RUFY1: variants seen among roughly 807,000 people sequenced by gnomAD.
RUFY1 encodes RUN and FYVE domain containing 1.
Under a neutral mutation model 94.6 loss-of-function variants are expected in RUFY1, and 54 were observed. The observed-to-expected ratio is 0.57, with a 90% CI of 0.46 to 0.72. RUFY1 has a LOEUF of 0.72. Ranked by LOEUF, RUFY1 falls within the 30% of genes least tolerant of loss-of-function variation. The probability of loss-of-function intolerance (pLI) is 0.00; values close to 1 mark genes in which losing one functional copy is unlikely to be tolerated. For synonymous variants in RUFY1, 396 were observed against 347.3 expected (o/e 1.14, Z -1.56); for missense variants, 883 against 883.9 (o/e 1.00, Z 0.01).
intron 1 of RUFY1, chr5:179,555,670 C>G (rs1762081403): frequency 2.5e-6 from 1 of 394,394 alleles, no homozygotes; most frequent in Non-Finnish European, 5.0e-6. Context: ...GCTCGTCACC[C>G]AGGCTGGAGT....
Position 179,580,948 on chromosome 5 carries a change from C to T in RUFY1, c.892C>T (p.His298Tyr). ...TCCTTCTTATGCTCCTTTTAAAAGGCATGAAAGAATTACTGATGTCCTTGA... is the reference window on the plus strand; with the variant it reads ...TCCTTCTTATGCTCCTTTTAAAAGGTATGAAAGAATTACTGATGTCCTTGA... ...DVQDLDGGKE[H>Y]ERITDVLDQK... is the part of the protein sequence containing the mutation. The change falls in exon 7 of 18, where the codon CAT becomes TAT. Residue 298 changes from histidine (H) to tyrosine (Y), a missense_variant and splice_region_variant. His to Tyr is a moderately conservative substitution (Grantham distance 83, BLOSUM62 2). Coordinates refer to ENST00000319449, the MANE Select transcript of RUFY1 (RefSeq NM_025158.5). 6.3e-7 allele frequency: 1 copy of T among 1,589,320 alleles called. No individual in the cohort carries two copies. Among genetic ancestry groups the T allele is most frequent in the East Asian group, 2.2e-5 (1 of 44,692 alleles).
At chr5:179,587,593 C>G (rs1239456236) in intron 8 of RUFY1, among the ~76,000 whole-genome samples, 3 of 137,824 alleles carry the variant, frequency 2.2e-5, no homozygotes, top group South Asian at 2.3e-4. Context: ...GTAGAGATGG[C>G]ATTTCACCAT....
chr5:179,577,265 G>A (rs1278410459), intron 6 of RUFY1, 129 bp downstream of exon 6: 13 of 568,722 alleles, frequency 2.3e-5, no homozygotes, highest in Non-Finnish European at 3.4e-5. Context: ...TCCGCCTCCC[G>A]GGTTCAAGCG....
chr5:179,604,038 TAA>T (rs1766751293), intron 15 of RUFY1, among the ~76,000 whole-genome samples: 1 of 152,122 alleles, frequency 6.6e-6, no homozygotes, highest in African/African-American at 2.4e-5. Context: ...GCCTGGGCAA[TAA>T]GAGTGAAACT....
intron 2 of RUFY1, 36 bp downstream of exon 2, chr5:179,560,234 CG>C: frequency 5.0e-6 from 8 of 1,601,542 alleles, no homozygotes; most frequent in Non-Finnish European, 6.8e-6. Flanking sequence ...CGTGGAAGTT[CG>C]GGCTGGGTGT....
chr5:179,597,299 G>C (rs577281546), intron 13 of RUFY1, among the ~76,000 whole-genome samples: 1 of 152,000 alleles, frequency 6.6e-6, no homozygotes, highest in East Asian at 1.9e-4. Context: ...GCGGTGGCGC[G>C]ATCTCGGCTC....
intron 5 of RUFY1, among the ~76,000 whole-genome samples, chr5:179,575,869 C>T (rs531736218): frequency 1.3e-5 from 2 of 152,102 alleles, no homozygotes; most frequent in Admixed American, 1.3e-4. Flanking sequence ...GCAGCCTTAA[C>T]CTCCTGGGCT....
chr5:179,596,224 C>A, intron 12 of RUFY1: 1 of 362,632 alleles, frequency 2.8e-6, no homozygotes, highest in Non-Finnish European at 5.2e-6. Context: ...ACCATTGATA[C>A]ACATGGAAAC....
chr5:179,552,737 C>T (rs1037606169), intron 1 of RUFY1, among the ~76,000 whole-genome samples: 1 of 152,168 alleles, frequency 6.6e-6, no homozygotes, highest in South Asian at 2.1e-4. Flanking sequence ...TCCTTTAATG[C>T]AGAATCAAGG....
chr5:179,607,519 C>A, intron 16 of RUFY1, 63 bp from the exon 17 acceptor site: 3 of 1,385,322 alleles, frequency 2.2e-6, no homozygotes, highest in East Asian at 2.3e-5. Context: ...GGCCAGAACG[C>A]AGCTACCCAC....
At position 179,585,785 on chromosome 5, in the gene RUFY1, A is replaced by G. The variant is rs1764562803; in HGVS notation, c.957-11A>G. On this transcript the variant is annotated splice_polypyrimidine_tract_variant and intron_variant, in intron 7 of 17. Coordinates refer to ENST00000319449, the MANE Select transcript of RUFY1 (RefSeq NM_025158.5). ...AAGTTTATGTTTACTTAATATTCTTATTTTCTACAGCTGCACAGTTGGGGA... is the reference window on the plus strand; with the variant it reads ...AAGTTTATGTTTACTTAATATTCTTGTTTTCTACAGCTGCACAGTTGGGGA... 1.2e-6 allele frequency: 2 copies of G among 1,600,638 alleles called. No homozygotes were observed. The highest frequency in any genetic ancestry group is 1.7e-5 in the Admixed American group (1 of 59,780).
intron 11 of RUFY1, among the ~76,000 whole-genome samples, chr5:179,594,339 A>T (rs1765371297): frequency 1.3e-5 from 2 of 151,400 alleles, no homozygotes; most frequent in Admixed American, 6.6e-5. Context: ...TTGTCTTTTC[A>T]AACTTTGCCG....
intron 1 of RUFY1, among the ~76,000 whole-genome samples, chr5:179,551,214 G>A (rs1032343227): frequency 3.3e-5 from 5 of 152,234 alleles, no homozygotes; most frequent in South Asian, 2.1e-4. Flanking sequence ...CTTTTCAGCC[G>A]TTCAGTGCGG....
At chr5:179,578,001 T>C (rs184150938) in intron 6 of RUFY1, among the ~76,000 whole-genome samples, 1 of 152,278 alleles carries the variant, frequency 6.6e-6, no homozygotes, top group East Asian at 1.9e-4. Flanking sequence ...TGCAGAAGAA[T>C]AGAGTGTACA....
At chr5:179,591,575 C>A in intron 9 of RUFY1, 50 bp from the exon 10 acceptor site, 1 of 1,098,506 alleles carries the variant, frequency 9.1e-7, no homozygotes, top group Non-Finnish European at 1.4e-6. Context: ...TCATAATTAG[C>A]TTGCTTTCCA....
chr5:179,596,733 G>C (rs1172025508), intron 13 of RUFY1, 52 bp downstream of exon 13: 1 of 1,285,918 alleles, frequency 7.8e-7, no homozygotes, highest in East Asian at 4.5e-5. Flanking sequence ...GAGGGACTGG[G>C]AAGAACTGGG....
chr5:179,609,601 C>G lies in RUFY1; in HGVS notation c.*82C>G. The G allele has an allele frequency of 1.5e-6, 2 of 1,319,542 alleles. No individual in the cohort carries two copies. The highest frequency in any genetic ancestry group is 2.0e-6 in the Non-Finnish European group (2 of 992,096). 81.7% of individuals were successfully genotyped at this position (1,319,542 alleles called of 1,614,324 possible). A position where few individuals can be genotyped will look rare whatever the true frequency, so the allele number is the denominator to read the frequency against. ...GGGGCTTGGGAAATGTGTTCTTTCC[C>G]AAGAGTATCAAAGGAAAGAATCAAA... On this transcript the variant is annotated 3_prime_UTR_variant, in exon 18 of 18. Transcript: ENST00000319449.
chr5:179,609,510 G>A lies in RUFY1; in HGVS notation c.2118G>A (p.Thr706=), dbSNP rs370086474. Residue 706 remains threonine (T), a synonymous_variant, in exon 18 of 18, where the codon ACG becomes ACA. Transcript: ENST00000319449. The stretch of plus-strand genomic sequence containing the variant: ...TGCTCCTGCAGCGCTGCTCCTCCAC[G>A]GCCTCCTGAACGTCCGTCCTCAGGA... ...HTLLLQRCSS[T]AS 9.9e-5 allele frequency: 159 copies of A among 1,603,588 alleles called. No individual in the cohort carries two copies. Among genetic ancestry groups the A allele is most frequent in the Admixed American group, 2.7e-4 (16 of 59,310 alleles).
chr5:179,595,286 C>T (rs202136751), intron 12 of RUFY1, among the ~76,000 whole-genome samples: 9 of 151,884 alleles, frequency 5.9e-5, no homozygotes, highest in Non-Finnish European at 8.8e-5. Flanking sequence ...GAGACCATCC[C>T]GGCTAAAACG....
Sources: allele counts gnomAD v4.1 joint callset (sites outside exome capture counted in the v4.1 genomes callset), GRCh38; gene constraint gnomAD v4.1.1; transcripts MANE v1.5; gene names NCBI Gene and HGNC (gene_info 2026-07-23, HGNC 2026-07-21).